Variants in FAM120B observed in about 807,000 individuals in gnomAD.
FAM120B encodes the protein constitutive coactivator of peroxisome proliferator-activated receptor gamma.
In FAM120B, 83 loss-of-function variants were observed where a neutral mutation model predicts 96.3. The observed-to-expected ratio is 0.86, with a 90% CI of 0.72 to 1.03. The LOEUF (loss-of-function observed/expected upper bound fraction) is 1.03. FAM120B is among the 50% of genes least tolerant of loss of function. The pLI, the probability that FAM120B is intolerant of heterozygous loss-of-function variation, is 0.00. For missense variants in FAM120B, 1,027 were observed against 1,121.2 expected (o/e 0.92, Z 1.20); for synonymous variants, 407 against 402.7 (o/e 1.01, Z -0.13).
rs952071414 is a variant in FAM120B, at chr6:170,295,959, G to C, written c.48+506G>C. ...AGCTGGCGGCCCCGGCGCAGATGAC[G>C]GCTCGGCAGCGGGCCCCCGCCCCCT... On this transcript the variant is annotated intron_variant, in intron 1 of 10. Coordinates refer to the FAM120B transcript ENST00000537664. The surrounding 1 kb of genome is among the most constrained non-coding windows in gnomAD (Gnocchi z 7.8). 2.0e-5 allele frequency among the ~76,000 whole-genome samples: 3 copies of C among 151,996 alleles called. No homozygotes were observed. Among genetic ancestry groups the C allele is most frequent in the Admixed American group, 6.5e-5 (1 of 15,276 alleles).
chr6:170,326,531 G>A (rs1785598926), intron 3 of FAM120B, among the ~76,000 whole-genome samples: 1 of 152,122 alleles, frequency 6.6e-6, no homozygotes, highest in Admixed American at 6.5e-5. Context: ...ATACATGAGG[G>A]GTTGGCACAC....
chr6:170,290,970 C>A, upstream of FAM120B: 1 of 701,392 alleles, frequency 1.4e-6, no homozygotes, highest in East Asian at 2.7e-5. This position sits in a 1 kb window ranked among gnomAD's most constrained non-coding sequence, Gnocchi z 4.7. Context: ...CAGCCGGCCG[C>A]CCGCATGGCT....
At chr6:170,350,843 A>G (rs539850350) in intron 5 of FAM120B, among the ~76,000 whole-genome samples, 51 of 152,366 alleles carry the variant, frequency 3.3e-4, no homozygotes, top group South Asian at 1.5e-3. Flanking sequence ...GAAAGAATCA[A>G]TGCAAACATG....
At chr6:170,339,947 G>T (rs1786706786) in intron 4 of FAM120B, among the ~76,000 whole-genome samples, 1 of 152,096 alleles carries the variant, frequency 6.6e-6, no homozygotes, top group Non-Finnish European at 1.5e-5. Flanking sequence ...CAACCTTGGA[G>T]AATCTGACAA....
chr6:170,324,783 A>T (rs192901229), intron 3 of FAM120B, among the ~76,000 whole-genome samples: 6 of 152,308 alleles, frequency 3.9e-5, no homozygotes, highest in Non-Finnish European at 8.8e-5. Flanking sequence ...AGTTTACATT[A>T]TTAAGATATG....
intron 6 of FAM120B, among the ~76,000 whole-genome samples, chr6:170,380,926 G>C (rs1789866410): frequency 6.6e-6 from 1 of 152,176 alleles, no homozygotes; most frequent in African/African-American, 2.4e-5. Flanking sequence ...TTGAGCTATA[G>C]AGAGAAACAA....
intron 1 of FAM120B, among the ~76,000 whole-genome samples, chr6:170,314,656 G>T (rs1352902071): frequency 6.6e-6 from 1 of 152,154 alleles, no homozygotes. Context: ...CTGCATATAT[G>T]CTCTTAGCAA....
rs549357248 is a variant in FAM120B at position 170,332,813 on chromosome 6, C to T, written c.2017+2263C>T. Reference sequence around the variant, plus strand: ...AGTTTTTCCCAAATGACACCCATACCTGATTTTCCTTGTTCTTCTAAGACA... The same window carrying T: ...AGTTTTTCCCAAATGACACCCATACTTGATTTTCCTTGTTCTTCTAAGACA... On this transcript the variant is annotated intron_variant, in intron 4 of 10. Transcript: ENST00000476287. Among the ~76,000 whole-genome samples, 6 of 152,290 alleles carry T rather than the reference C, an allele frequency of 3.9e-5. No homozygotes were observed. In the South Asian group the frequency reaches 1.2e-3, roughly 32 times the overall value.
At position 170,295,533 on chromosome 6, in the gene FAM120B, G is replaced by A; in HGVS notation, c.48+80G>A. 1.6e-6 allele frequency: 1 copy of A among 637,526 alleles called. No homozygotes were observed. The highest frequency in any genetic ancestry group is 1.9e-5 in the African/African-American group (1 of 52,936). 39.5% of individuals were successfully genotyped at this position (637,526 alleles called of 1,614,324 possible). A position where few individuals can be genotyped will look rare whatever the true frequency, so the allele number is the denominator to read the frequency against. On this transcript the variant is annotated intron_variant, in intron 1 of 10. Coordinates refer to the FAM120B transcript ENST00000537664. This position sits in a 1 kb window ranked among gnomAD's most constrained non-coding sequence, Gnocchi z 7.8. ...CACAGCGGGCAGGAGCGCGACCCCC[G>A]GCGCGGGCAGCTCTGCGCGAAGGTG...
At chr6:170,386,449 A>G (rs577226534) in intron 6 of FAM120B, among the ~76,000 whole-genome samples, 1 of 152,380 alleles carries the variant, frequency 6.6e-6, no homozygotes, top group South Asian at 2.1e-4. Flanking sequence ...ATTTATACCA[A>G]TACATTTGAA....
At chr6:170,355,753 T>C (rs1192322448) in intron 5 of FAM120B, among the ~76,000 whole-genome samples, 2 of 152,148 alleles carry the variant, frequency 1.3e-5, no homozygotes, top group African/African-American at 2.4e-5. Flanking sequence ...TAAAAAGATA[T>C]TTCTTTTGAT....
At chr6:170,301,985 C>T (rs2114981163), upstream of FAM120B, among the ~76,000 whole-genome samples, 1 of 152,316 alleles carries the variant, frequency 6.6e-6, no homozygotes, top group Admixed American at 6.5e-5. Flanking sequence ...CCAACCTCTG[C>T]CTGTTACCCC....
intron 1 of FAM120B, among the ~76,000 whole-genome samples, chr6:170,316,677 C>G (rs1473741314): frequency 6.6e-6 from 1 of 152,222 alleles, no homozygotes; most frequent in Non-Finnish European, 1.5e-5. Flanking sequence ...GCCTTCTTAA[C>G]ACCTTTATTC....
At chr6:170,361,315 G>A (rs1204887471) in intron 6 of FAM120B, among the ~76,000 whole-genome samples, 1 of 144,076 alleles carries the variant, frequency 6.9e-6, no homozygotes, top group African/African-American at 2.6e-5. Context: ...TATGTGTAAA[G>A]GTGCATAGTA....
At chr6:170,367,089 A>C (rs1282813033) in intron 6 of FAM120B, among the ~76,000 whole-genome samples, 1 of 152,162 alleles carries the variant, frequency 6.6e-6, no homozygotes, top group African/African-American at 2.4e-5. Context: ...GATTTAAACA[A>C]ATTTTTCTTT....
chr6:170,309,508 C>A (rs1238724962), intron 1 of FAM120B, among the ~76,000 whole-genome samples: 2 of 152,072 alleles, frequency 1.3e-5, no homozygotes, highest in Admixed American at 1.3e-4. Context: ...TTTATCAGTT[C>A]TTATTATAGA....
intron 1 of FAM120B, among the ~76,000 whole-genome samples, chr6:170,308,763 C>A (rs1202313775): frequency 6.6e-6 from 1 of 152,208 alleles, no homozygotes; most frequent in African/African-American, 2.4e-5. Context: ...TTTTGTCCTT[C>A]AGACACCTTC....
chr6:170,380,294 A>G (rs1789826994), intron 6 of FAM120B, among the ~76,000 whole-genome samples: 1 of 151,910 alleles, frequency 6.6e-6, no homozygotes, highest in Admixed American at 6.6e-5. Context: ...TGGCTGTTGT[A>G]TAGAGTGCTG....
At chr6:170,307,349 CAG>C in intron 1 of FAM120B, among the ~76,000 whole-genome samples, 1 of 152,200 alleles carries the variant, frequency 6.6e-6, no homozygotes, top group Non-Finnish European at 1.5e-5. Flanking sequence ...GAAAGACAGA[CAG>C]AAAGACAGGG....
Sources: allele counts gnomAD v4.1 joint callset (sites outside exome capture counted in the v4.1 genomes callset), GRCh38; gene constraint gnomAD v4.1.1; non-coding constraint Gnocchi (gnomAD v3.1); transcripts MANE v1.5; gene names NCBI Gene and HGNC (gene_info 2026-07-23, HGNC 2026-07-21).